The following VXN variants were observed in gnomAD, a reference collection of about 807,000 sequenced individuals.
VXN encodes the protein uncharacterized protein C8orf46.
In VXN, 7 loss-of-function variants were observed where a neutral mutation model predicts 23.1. That is an observed-to-expected ratio of 0.30 (90% CI 0.17 to 0.57). The LOEUF (loss-of-function observed/expected upper bound fraction) is 0.57, where lower values mean the gene tolerates loss of function less well. VXN is among the 20% of genes least tolerant of loss of function. The pLI, the probability that VXN is intolerant of heterozygous loss-of-function variation, is 0.91. For missense variants in VXN, 238 were observed against 272.6 expected (o/e 0.87, Z 0.89); for synonymous variants, 120 against 105.8 (o/e 1.13, Z -0.83).
At chr8:66,498,871 C>G (rs1270453180) in intron 2 of VXN, 1 of 455,268 alleles carries the variant, frequency 2.2e-6, no homozygotes, top group African/African-American at 2.0e-5. Flanking sequence ...AAAGGGACTA[C>G]TGTATACTAT....
chr8:66,507,486 C>T (rs1279673751), intron 3 of VXN, among the ~76,000 whole-genome samples: 1 of 152,266 alleles, frequency 6.6e-6, no homozygotes, highest in South Asian at 2.1e-4. Flanking sequence ...ATTGAATCTC[C>T]GGTCTTTTGA....
chr8:66,497,850 C>A (rs896778769), intron 2 of VXN, among the ~76,000 whole-genome samples: 2 of 151,034 alleles, frequency 1.3e-5, no homozygotes, highest in African/African-American at 4.9e-5. Flanking sequence ...AACATGAGAC[C>A]CCGACTCTAC....
intron 3 of VXN, 70 bp downstream of exon 3, chr8:66,505,598 C>G: frequency 7.0e-7 from 1 of 1,418,954 alleles, no homozygotes; most frequent in Non-Finnish European, 9.2e-7. Context: ...CCACCACAAG[C>G]CCAGGTCAGG....
At chr8:66,495,453 C>T (rs771473668) in intron 1 of VXN, among the ~76,000 whole-genome samples, 11 of 152,150 alleles carry the variant, frequency 7.2e-5, no homozygotes, top group Non-Finnish European at 1.3e-4. Context: ...CTTCCAGGAT[C>T]ATATGGGGAA....
rs747017437 is a variant in VXN at position 66,505,532 on chromosome 8, C to T, written c.280+4C>T. 3.9e-5 allele frequency: 58 copies of T among 1,492,172 alleles called. No homozygotes were observed. Among genetic ancestry groups the T allele is most frequent in the South Asian group, 3.5e-4 (26 of 73,788 alleles). 92.4% of individuals were successfully genotyped at this position (1,492,172 alleles called of 1,614,324 possible). A position where few individuals can be genotyped will look rare whatever the true frequency, so the allele number is the denominator to read the frequency against. ...GCCAAAGCCTCTGCCAGACCCGGTA[C>T]GTGAGTCCCGGCCCCAGCTCCCCGC... is the stretch of plus-strand genomic sequence containing the variant. On this transcript the variant is annotated splice_donor_region_variant and intron_variant, in intron 3 of 5. Coordinates refer to ENST00000305454, the MANE Select transcript of VXN (RefSeq NM_152765.4).
intron 2 of VXN, among the ~76,000 whole-genome samples, chr8:66,500,063 T>C (rs764025985): frequency 2.0e-5 from 3 of 152,162 alleles, no homozygotes; most frequent in Admixed American, 6.5e-5. Flanking sequence ...AATACAACAT[T>C]GTATGAATGC....
At chr8:66,508,133 G>A (rs924654763) in intron 3 of VXN, among the ~76,000 whole-genome samples, 12 of 152,016 alleles carry the variant, frequency 7.9e-5, no homozygotes, top group African/African-American at 2.9e-4. Flanking sequence ...TTTCTCAGTG[G>A]GGGCCATTAT....
chr8:66,511,997 CAG>C (rs1326095794), intron 4 of VXN, among the ~76,000 whole-genome samples: 2 of 146,094 alleles, frequency 1.4e-5, no homozygotes, highest in Admixed American at 1.4e-4. Context: ...ACACAGGAGG[CAG>C]AGTTTGCAGT....
chr8:66,500,868 ATTT>A (rs1172553891), intron 2 of VXN, among the ~76,000 whole-genome samples: 342 of 114,130 alleles, frequency 3.0e-3, no homozygotes, highest in African/African-American at 0.011. Context: ...AAAGGACATG[ATTT>A]TTTTTTTTTT....
intron 3 of VXN, among the ~76,000 whole-genome samples, chr8:66,507,504 G>C (rs1295259688): frequency 6.6e-6 from 1 of 152,192 alleles, no homozygotes; most frequent in Non-Finnish European, 1.5e-5. Context: ...TGATTCCCTA[G>C]CTAGTGCCTC....
chr8:66,496,780 G>A (rs1365717740), intron 2 of VXN, among the ~76,000 whole-genome samples: 5 of 152,150 alleles, frequency 3.3e-5, no homozygotes, highest in East Asian at 3.8e-4. Context: ...CAGAGTTCAC[G>A]ATGTGGACAT....
chr8:66,509,133 T>C (rs1374272492), intron 3 of VXN, among the ~76,000 whole-genome samples: 10 of 152,252 alleles, frequency 6.6e-5, no homozygotes, highest in Admixed American at 6.5e-4. Context: ...CCATTCATTA[T>C]AGTTTAATCT....
In VXN at chr8:66,516,403, C is replaced by A. The variant is rs1475799990; in HGVS notation, c.*327C>A. The A allele has an allele frequency of 1.7e-5, 3 of 177,996 alleles. No homozygotes were observed. The highest frequency in any genetic ancestry group is 7.1e-5 in the African/African-American group (3 of 42,364). The allele number at this position is 177,996 out of a possible 1,614,324, so 11.0% of individuals were successfully genotyped here. On this transcript the variant is annotated 3_prime_UTR_variant, in exon 6 of 6. Transcript: ENST00000305454. ...CCTCCAAGGAAGGAAAAAAGCAATT[C>A]CTCTGTCTTCCTTGTGAGTTGCTCT... is the stretch of plus-strand genomic sequence containing the variant.
chr8:66,500,868 A>AT (rs1172553891), intron 2 of VXN, among the ~76,000 whole-genome samples: 3,989 of 114,086 alleles, frequency 0.035, 122 homozygotes, highest in Non-Finnish European at 0.048. Context: ...AAAGGACATG[A>AT]TTTTTTTTTT....
At chr8:66,505,208 G>A (rs898403063) in intron 2 of VXN, 167 bp from the exon 3 acceptor site, 2 of 929,848 alleles carry the variant, frequency 2.2e-6, no homozygotes, top group Non-Finnish European at 3.4e-6. Flanking sequence ...ACTTCTGGCC[G>A]GTTTCCTGCC....
At chr8:66,501,325 C>T (rs574883379) in intron 2 of VXN, 4 of 152,178 alleles carry the variant, frequency 2.6e-5, no homozygotes, top group African/African-American at 9.6e-5. Context: ...ATGCCTTTTT[C>T]GAGAACCTTT....
At chr8:66,502,871 G>A (rs1286859045) in intron 2 of VXN, among the ~76,000 whole-genome samples, 1 of 150,858 alleles carries the variant, frequency 6.6e-6, no homozygotes, top group Non-Finnish European at 1.5e-5. Context: ...TTTTAAGATG[G>A]GGTCTCACTC....
chr8:66,502,511 G>T (rs906194972), intron 2 of VXN, among the ~76,000 whole-genome samples: 3 of 152,134 alleles, frequency 2.0e-5, no homozygotes, highest in African/African-American at 7.2e-5. Flanking sequence ...ACTTTGGGAG[G>T]CCGAGGCAGG....
intron 4 of VXN, chr8:66,510,361 C>G: frequency 1.9e-6 from 1 of 522,146 alleles, no homozygotes; most frequent in Non-Finnish European, 3.4e-6. Context: ...CTGGCTGCTT[C>G]TCTCTTTCTT....
Sources: allele counts gnomAD v4.1 joint callset (sites outside exome capture counted in the v4.1 genomes callset), GRCh38; gene constraint gnomAD v4.1.1; transcripts MANE v1.5; gene names NCBI Gene and HGNC (gene_info 2026-07-23, HGNC 2026-07-21).